Variants in HPSE observed in about 807,000 individuals in gnomAD.
The protein encoded by HPSE is endo-glucoronidase.
A neutral mutation model predicts 65.1 loss-of-function variants in HPSE; 48 were observed. The ratio of observed to expected loss-of-function variants is 0.74; its 90% CI spans 0.58 to 0.94. The LOEUF (loss-of-function observed/expected upper bound fraction) is 0.94. Among genes scored for constraint, HPSE ranks in the 40% least tolerant of loss-of-function variants. The pLI is 0.00. For missense variants in HPSE, 644 were observed against 637.5 expected (o/e 1.01, Z -0.11); for synonymous variants, 243 against 260.0 (o/e 0.93, Z 0.63).
At position 83,312,725 on chromosome 4, in the gene HPSE, T is replaced by C. The variant is rs192080489; in HGVS notation, c.673+389A>G. Among the ~76,000 whole-genome samples, 16 of 125,726 alleles carry C rather than the reference T, an allele frequency of 1.3e-4. No homozygotes were observed. The East Asian group carries it at 3.4e-3, about 27-fold the overall frequency. The allele number at this position is 125,726 out of a possible 152,430, so 82.5% of individuals were successfully genotyped here. A position where few individuals can be genotyped will look rare whatever the true frequency, so the allele number is the denominator to read the frequency against. On this transcript the variant is annotated intron_variant, in intron 4 of 11. Coordinates refer to ENST00000311412, the MANE Select transcript of HPSE (RefSeq NM_001098540.3). The stretch of plus-strand genomic sequence containing the variant: ...CATAAGAAATAATGCTAGCCGGGCC[T>C]GGTGGCTCACGCCTGTAATCCCAGC...
chr4:83,314,028 G>A lies in HPSE; in HGVS notation c.500-741C>T, dbSNP rs570513726. ...AGCACTTTGGGAGGCCGAGGCGGGC[G>A]GATCACTTGAGCCCAGGAGTTCAAG... On this transcript the variant is annotated intron_variant, in intron 3 of 11. Coordinates refer to ENST00000311412, the MANE Select transcript of HPSE (RefSeq NM_001098540.3). 2.8e-3 allele frequency among the ~76,000 whole-genome samples: 431 copies of A among 152,226 alleles called. 1 individual carries two copies. Among genetic ancestry groups the A allele is most frequent in the Non-Finnish European group, 4.4e-3 (299 of 68,010 alleles).
chr4:83,304,708 C>A (rs999271047), intron 9 of HPSE, among the ~76,000 whole-genome samples: 1 of 151,898 alleles, frequency 6.6e-6, no homozygotes, highest in African/African-American at 2.4e-5. Context: ...CAACACATAC[C>A]CCAACTTTCC....
At position 83,313,266 on chromosome 4, in the gene HPSE, T is replaced by G; in HGVS notation, c.521A>C (p.Tyr174Ser). ...CAGTCCTGAGCAGTTTGCAAAAGTG[T>G]ATAGCACATCTACAGAGCTTCCTAA... ...TYSRSSVDVLYTFANCSGLDL... is the reference protein window; with the variant it reads ...TYSRSSVDVLSTFANCSGLDL... The change falls in exon 4 of 12, where the codon TAC (tyrosine) becomes TCC (serine). Residue 174 changes from tyrosine (Y) to serine (S), a missense_variant. By Grantham distance (144) the Tyr-to-Ser change is moderately radical. Coordinates refer to ENST00000311412, the MANE Select transcript of HPSE (RefSeq NM_001098540.3). 6.2e-7 allele frequency: 1 copy of G among 1,613,414 alleles called. No individual in the cohort carries two copies. Among genetic ancestry groups the G allele is most frequent in the Non-Finnish European group, 8.5e-7 (1 of 1,179,766 alleles).
chr4:83,312,595 G>A (rs1343615568), intron 4 of HPSE, among the ~76,000 whole-genome samples: 3 of 149,942 alleles, frequency 2.0e-5, no homozygotes, highest in Non-Finnish European at 4.4e-5. Context: ...GGAGAATGGC[G>A]TGAACCTGGG....
chr4:83,304,404 C>A (rs182977793), intron 9 of HPSE, among the ~76,000 whole-genome samples: 9 of 152,062 alleles, frequency 5.9e-5, no homozygotes, highest in Non-Finnish European at 7.4e-5. Context: ...GCCTTTAGCT[C>A]GAAATAATCC....
chr4:83,315,152 CAA>C (rs58487256), intron 3 of HPSE, among the ~76,000 whole-genome samples: 43 of 142,284 alleles, frequency 3.0e-4, no homozygotes, highest in African/African-American at 1.1e-3. Flanking sequence ...GACTCTGTCT[CAA>C]AAAAAAAAAA....
intron 3 of HPSE, among the ~76,000 whole-genome samples, chr4:83,317,352 C>T (rs1736693668): frequency 6.6e-6 from 1 of 152,178 alleles, no homozygotes; most frequent in Non-Finnish European, 1.5e-5. Context: ...TTGTGGAATC[C>T]CCTATTAGCT....
chr4:83,323,407 T>C lies in HPSE; in HGVS notation c.228-1043A>G, dbSNP rs142508221. On this transcript the variant is annotated intron_variant, in intron 1 of 11. Transcript: ENST00000311412. ...GGGATGTTGATAATGAGGGAGGCTA[T>C]GCATGTGTGTGGGCAGGGGGTTTAT... is the stretch of plus-strand genomic sequence containing the variant. Among the ~76,000 whole-genome samples the C allele has an allele frequency of 2.5e-3, 375 of 152,288 alleles. 1 individual carries two copies. Among genetic ancestry groups the C allele is most frequent in the African/African-American group, 8.7e-3 (362 of 41,544 alleles).
At chr4:83,315,666 T>G (rs1686127542) in intron 3 of HPSE, among the ~76,000 whole-genome samples, 1 of 152,156 alleles carries the variant, frequency 6.6e-6, no homozygotes, top group African/African-American at 2.4e-5. Context: ...AGGGGTAATA[T>G]CTTTGCCCGA....
intron 1 of HPSE, among the ~76,000 whole-genome samples, chr4:83,329,368 T>C (rs1194689266): frequency 6.6e-6 from 1 of 152,170 alleles, no homozygotes; most frequent in Non-Finnish European, 1.5e-5. Context: ...CTAAACCAGG[T>C]TTAGTATTTT....
At chr4:83,308,976 G>A (rs1170967780) in intron 7 of HPSE, 25 bp from the exon 8 acceptor site, 2 of 1,592,058 alleles carry the variant, frequency 1.3e-6, no homozygotes, top group South Asian at 1.1e-5. Flanking sequence ...AGTATCCATG[G>A]TAATTGCAAA....
rs748423163 is a variant in HPSE, at chr4:83,301,107, C to T, written c.1326-1G>A. 1 of 1,566,420 alleles carries T rather than the reference C, an allele frequency of 6.4e-7. No individual in the cohort carries two copies. The highest frequency in any genetic ancestry group is 1.4e-5 in the African/African-American group (1 of 71,922). ...TAAATCTCCTTCTTTATACCTTGGA[C>T]TAAAAGCAAAGAGGTTAACTTAATA... is the stretch of plus-strand genomic sequence containing the variant. On this transcript the variant is annotated splice_acceptor_variant, in intron 10 of 11. Transcript: ENST00000311412. LOFTEE classifies it high-confidence loss of function.
At chr4:83,332,542 A>T (rs1737419247) in intron 1 of HPSE, among the ~76,000 whole-genome samples, 1 of 152,240 alleles carries the variant, frequency 6.6e-6, no homozygotes, top group Admixed American at 6.5e-5. Context: ...ATCACATGTT[A>T]TGCTCTCTTG....
intron 3 of HPSE, among the ~76,000 whole-genome samples, chr4:83,315,664 T>C (rs1201634457): frequency 6.6e-6 from 1 of 152,150 alleles, no homozygotes; most frequent in Non-Finnish European, 1.5e-5. Flanking sequence ...ACAGGGGTAA[T>C]ATCTTTGCCC....
intron 9 of HPSE, among the ~76,000 whole-genome samples, chr4:83,305,099 A>G (rs1736101505): frequency 6.6e-6 from 1 of 152,240 alleles, no homozygotes; most frequent in South Asian, 2.1e-4. Context: ...TGAGAAGGGT[A>G]CCATTTACTC....
At chr4:83,312,885 G>A (rs1297494831) in intron 4 of HPSE, among the ~76,000 whole-genome samples, 3 of 107,398 alleles carry the variant, frequency 2.8e-5, no homozygotes, top group African/African-American at 1.2e-4. Context: ...AGCTGGGCGC[G>A]GTGGCGGGTG....
In HPSE at chr4:83,292,656, A is replaced by G. The variant is rs1349708567; in HGVS notation, c.*2688T>C. 1.3e-5 allele frequency: 2 copies of G among 152,252 alleles called. No homozygotes were observed. Among genetic ancestry groups the G allele is most frequent in the East Asian group, 3.8e-4 (2 of 5,204 alleles). 9.4% of individuals were successfully genotyped at this position (152,252 alleles called of 1,614,324 possible). On this transcript the variant is annotated 3_prime_UTR_variant, in exon 12 of 12. Transcript: ENST00000311412. The stretch of plus-strand genomic sequence containing the variant: ...TAAGTGGATAAAGAAAATGTGGTAT[A>G]TATGTACCATGGACTATTACTCAGC...
chr4:83,325,193 AG>A (rs1172211472), intron 1 of HPSE, among the ~76,000 whole-genome samples: 1 of 143,822 alleles, frequency 7.0e-6, no homozygotes, highest in Non-Finnish European at 1.5e-5. Flanking sequence ...GTTTTGAGAC[AG>A]GGTCTCTGTC....
At chr4:83,319,306 G>T in intron 3 of HPSE, 38 bp downstream of exon 3, 2 of 1,607,616 alleles carry the variant, frequency 1.2e-6, no homozygotes, top group South Asian at 1.1e-5. Flanking sequence ...AAATATCTTT[G>T]GGGCTGGAAC....
Sources: allele counts gnomAD v4.1 joint callset (sites outside exome capture counted in the v4.1 genomes callset), GRCh38; gene constraint gnomAD v4.1.1; transcripts MANE v1.5; gene names NCBI Gene and HGNC (gene_info 2026-07-23, HGNC 2026-07-21).